Variants in OPHN1 observed in about 807,000 individuals in gnomAD.
OPHN1 encodes oligophrenin 1.
OPHN1 carries 11 observed loss-of-function variants against 60.7 expected under a neutral mutation model. That is an observed-to-expected ratio of 0.18 (90% CI 0.11 to 0.30). OPHN1 has a LOEUF of 0.30. Among genes scored for constraint, OPHN1 ranks in the 10% least tolerant of loss-of-function variants. OPHN1 has a pLI of 1.00. For missense variants in OPHN1, 449 were observed against 611.0 expected (o/e 0.73, Z 2.80); for synonymous variants, 226 against 222.6 (o/e 1.02, Z -0.14).
intron 3 of OPHN1, among the ~76,000 whole-genome samples, chrX:68,296,288 A>G (rs1303889870): frequency 8.9e-6 from 1 of 112,153 alleles, no homozygotes; most frequent in East Asian, 2.8e-4. Context: ...AGCAGTGTTC[A>G]AATGATAAGT....
intron 2 of OPHN1, among the ~76,000 whole-genome samples, chrX:68,421,365 A>G (rs1431903350): frequency 8.9e-6 from 1 of 111,947 alleles, no homozygotes; most frequent in Non-Finnish European, 1.9e-5. Context: ...CCAAACAGGG[A>G]AAAAAATCAA....
At chrX:68,406,865 C>T (rs2078746147) in intron 2 of OPHN1, among the ~76,000 whole-genome samples, 1 of 112,282 alleles carries the variant, frequency 8.9e-6, no homozygotes, top group Non-Finnish European at 1.9e-5. Flanking sequence ...ATTTTTGTAA[C>T]TTCCCTGTAA....
At chrX:68,249,659 C>A (rs1432163706) in intron 5 of OPHN1, among the ~76,000 whole-genome samples, 1 of 111,809 alleles carries the variant, frequency 8.9e-6, no homozygotes, top group Non-Finnish European at 1.9e-5. Context: ...CAGCTGTTGT[C>A]CCTCGCCTCT....
At chrX:68,090,317 T>A (rs943723548) in intron 19 of OPHN1, among the ~76,000 whole-genome samples, 1 of 109,951 alleles carries the variant, frequency 9.1e-6, no homozygotes, top group Non-Finnish European at 1.9e-5. Context: ...TACAAATGTA[T>A]AAAATATAAA....
At position 68,053,733 on chromosome X, in the gene OPHN1, C is replaced by A; in HGVS notation, c.2236G>T (p.Asp746Tyr). Residue 746 changes from aspartate to tyrosine, a missense_variant, in exon 22 of 25, where the codon GAT becomes TAT. Physicochemically the swap from Asp to Tyr is radical, Grantham distance 160. This residue lies in a region of OPHN1 where 184 missense variants were observed against 160.5 expected (regional missense o/e 1.15). Coordinates refer to ENST00000355520, the MANE Select transcript of OPHN1 (RefSeq NM_002547.3). Reference protein sequence around the residue: ...TIIRPPVRPPDPPCRAATPQK... With the variant: ...TIIRPPVRPPYPPCRAATPQK... ...GGAGTAGCTGCCCGGCAGGGAGGAT[C>A]TGGGGGCCTCACTGGGGGGCGGATG... The A allele has an allele frequency of 8.3e-7, 1 of 1,211,068 alleles. No individual in the cohort carries two copies. The highest frequency in any genetic ancestry group is 1.1e-6 in the Non-Finnish European group (1 of 895,282).
intron 2 of OPHN1, among the ~76,000 whole-genome samples, chrX:68,339,711 T>G (rs961990344): frequency 8.9e-6 from 1 of 111,750 alleles, no homozygotes; most frequent in African/African-American, 3.2e-5. Flanking sequence ...CAAGTGATTC[T>G]CGTGCTTCAG....
At chrX:68,353,408 GAAAAAAA>G (rs766331200) in intron 2 of OPHN1, among the ~76,000 whole-genome samples, 1 of 48,157 alleles carries the variant, frequency 2.1e-5, no homozygotes, top group Non-Finnish European at 4.0e-5. Context: ...GTCTCTACAG[GAAAAAAA>G]AAAAAAAAAA....
intron 2 of OPHN1, among the ~76,000 whole-genome samples, chrX:68,356,713 C>T (rs778625345): frequency 6.6e-4 from 73 of 111,217 alleles, no homozygotes; most frequent in Middle Eastern, 4.7e-3. Flanking sequence ...GCGCCAGGCC[C>T]CTCTTTCTGT....
chrX:68,375,165 T>A (rs1283583801), intron 2 of OPHN1, among the ~76,000 whole-genome samples: 2 of 112,222 alleles, frequency 1.8e-5, no homozygotes, highest in African/African-American at 6.5e-5. Flanking sequence ...AAACATATAA[T>A]AATGTTTACA....
intron 21 of OPHN1, among the ~76,000 whole-genome samples, chrX:68,063,144 G>T (rs1295716453): frequency 9.1e-6 from 1 of 110,434 alleles, no homozygotes; most frequent in Non-Finnish European, 1.9e-5. Flanking sequence ...GTTATTAGCT[G>T]TGAATCTTTG....
chrX:68,307,664 A>G (rs778904755), intron 2 of OPHN1, among the ~76,000 whole-genome samples: 1 of 111,221 alleles, frequency 9.0e-6, no homozygotes, highest in South Asian at 3.8e-4. Context: ...AGTCCTAATT[A>G]GTTTCCACTT....
At chrX:68,402,491 A>G (rs763242772) in intron 2 of OPHN1, among the ~76,000 whole-genome samples, 6 of 111,895 alleles carry the variant, frequency 5.4e-5, no homozygotes, top group African/African-American at 1.9e-4. Flanking sequence ...ACCAAAATAA[A>G]GAAGTCAGTA....
chrX:68,354,166 C>G (rs990674467), intron 2 of OPHN1, among the ~76,000 whole-genome samples: 2 of 110,663 alleles, frequency 1.8e-5, no homozygotes, highest in African/African-American at 3.3e-5. Flanking sequence ...ATGATAAGGC[C>G]AGGCTCAGTG....
At chrX:68,374,008 GAA>G (rs756715716) in intron 2 of OPHN1, among the ~76,000 whole-genome samples, 12 of 111,421 alleles carry the variant, frequency 1.1e-4, no homozygotes, top group Non-Finnish European at 2.1e-4. Flanking sequence ...ATGTCTAGAA[GAA>G]AACATAAGAT....
chrX:68,163,341 CTT>C (rs2077343329), intron 15 of OPHN1, among the ~76,000 whole-genome samples: 2 of 109,958 alleles, frequency 1.8e-5, no homozygotes, highest in Admixed American at 9.8e-5. Flanking sequence ...TTTTCTTTCT[CTT>C]TTGGGCTAAT....
At chrX:68,263,376 C>T (rs1467422150) in intron 5 of OPHN1, among the ~76,000 whole-genome samples, 1 of 111,578 alleles carries the variant, frequency 9.0e-6, no homozygotes, top group African/African-American at 3.3e-5. Flanking sequence ...TCCCTCTGTT[C>T]CTGCCTCATT....
At chrX:68,348,368 G>A (rs1331785413) in intron 2 of OPHN1, among the ~76,000 whole-genome samples, 2 of 110,914 alleles carry the variant, frequency 1.8e-5, no homozygotes, top group Admixed American at 9.8e-5. Context: ...AAGATGGGGA[G>A]GAAAGAGAAT....
chrX:68,107,266 T>G (rs1039900203), intron 18 of OPHN1, among the ~76,000 whole-genome samples: 2 of 111,481 alleles, frequency 1.8e-5, no homozygotes, highest in Non-Finnish European at 3.8e-5. Flanking sequence ...CTGTATTTGT[T>G]TGTTTCTTTA....
At chrX:68,051,410 A>C (rs1471990019) in intron 23 of OPHN1, among the ~76,000 whole-genome samples, 1 of 111,887 alleles carries the variant, frequency 8.9e-6, no homozygotes, top group Non-Finnish European at 1.9e-5. Flanking sequence ...GAGGGAAGGA[A>C]AAAACAAAAT....
Sources: gnomAD v4.1 joint callset for allele counts (sites outside exome capture counted in the v4.1 genomes callset) on GRCh38, gnomAD v4.1.1 for gene constraint, gnomAD v4.1.1 regional missense constraint, MANE v1.5 for transcripts, NCBI Gene and HGNC (gene_info 2026-07-23, HGNC 2026-07-21) for gene names.